MCF2L: variants seen among roughly 807,000 people sequenced by gnomAD.
MCF2L encodes the protein guanine nucleotide exchange factor DBS.
Under a neutral mutation model 153.4 loss-of-function variants are expected in MCF2L, and 97 were observed. The ratio of observed to expected loss-of-function variants is 0.63; its 90% confidence interval spans 0.54 to 0.75. The LOEUF is 0.75. Ranked by LOEUF, MCF2L falls within the 30% of genes least tolerant of loss-of-function variation. The pLI is 0.00. For synonymous variants in MCF2L, 659 were observed against 632.2 expected, an observed-to-expected ratio of 1.04 and a Z score of -0.64; for missense variants, 1,347 against 1,495.2, an observed-to-expected ratio of 0.90 and a Z score of 1.64.
intron 1 of MCF2L, among the ~76,000 whole-genome samples, chr13:112,896,987 C>T (rs984264779): frequency 6.6e-6 from 1 of 152,212 alleles, no homozygotes; most frequent in African/African-American, 2.4e-5. Flanking sequence ...AGGGGCCATG[C>T]AGGCTGAGAG....
chr13:113,008,197 C>T (rs527524068), intron 1 of MCF2L, among the ~76,000 whole-genome samples: 3 of 152,274 alleles, frequency 2.0e-5, no homozygotes, highest in South Asian at 2.1e-4. Flanking sequence ...CATTTATAGG[C>T]GTGAGCCACT....
chr13:112,974,464 G>A (rs975461852), intron 1 of MCF2L, among the ~76,000 whole-genome samples: 11 of 152,212 alleles, frequency 7.2e-5, no homozygotes, highest in African/African-American at 2.7e-4. Flanking sequence ...CTGTTCTGCT[G>A]CTTTTCATAA....
At chr13:113,026,444 T>C (rs1172965259) in intron 3 of MCF2L, among the ~76,000 whole-genome samples, 3 of 152,226 alleles carry the variant, frequency 2.0e-5, no homozygotes, top group Admixed American at 6.5e-5. Context: ...GCTTTTTCGC[T>C]CCTGAGCTGC....
At chr13:113,069,995 C>A in intron 8 of MCF2L, 64 bp from the exon 9 acceptor site, 1 of 1,174,064 alleles carries the variant, frequency 8.5e-7, no homozygotes, top group African/African-American at 1.6e-5. Context: ...TGAACACCCA[C>A]CGCGCTCCAC....
At chr13:113,082,284 G>T in intron 16 of MCF2L, 143 bp from the exon 17 acceptor site, 1 of 619,734 alleles carries the variant, frequency 1.6e-6, no homozygotes, top group Non-Finnish European at 3.0e-6. Flanking sequence ...TTTGATGGAT[G>T]CCTGTCCCGG....
chr13:113,029,908 C>T (rs1456955674), intron 3 of MCF2L, among the ~76,000 whole-genome samples: 2 of 152,236 alleles, frequency 1.3e-5, no homozygotes, highest in Non-Finnish European at 2.9e-5. Context: ...ACAAATCTCT[C>T]GTGAAGGCTG....
At chr13:113,057,667 T>G (rs2030381149) in intron 4 of MCF2L, among the ~76,000 whole-genome samples, 1 of 139,808 alleles carries the variant, frequency 7.2e-6, no homozygotes, top group Non-Finnish European at 1.5e-5. Context: ...TGCTGTGTGT[T>G]TGGGTGCTGA....
At chr13:112,968,512 T>G, upstream of MCF2L, 1 of 1,577,794 alleles carries the variant, frequency 6.3e-7, no homozygotes, top group Non-Finnish European at 8.6e-7. Context: ...CTTCCCTCAC[T>G]GGGTCCTGCG....
At chr13:113,013,901 C>T (rs1298794083) in intron 1 of MCF2L, among the ~76,000 whole-genome samples, 1 of 152,160 alleles carries the variant, frequency 6.6e-6, no homozygotes, top group Non-Finnish European at 1.5e-5. Flanking sequence ...GTCTTGCTGG[C>T]CCCATGCTCC....
In MCF2L at chr13:112,962,170, C is replaced by T. The variant is rs529308538; in HGVS notation, c.170-52593C>T. ...AGACATGCTCACACCTGTGCATGCA[C>T]AGATGCACACACACGCATGCACAAA... On this transcript the variant is annotated intron_variant, in intron 2 of 29. Coordinates refer to the MCF2L transcript ENST00000375608. 1.3e-4 allele frequency among the ~76,000 whole-genome samples: 20 copies of T among 151,386 alleles called. No homozygotes were observed. In the East Asian group the frequency reaches 3.5e-3, roughly 26 times the overall value.
chr13:113,013,593 A>G (rs1413112319), intron 1 of MCF2L, among the ~76,000 whole-genome samples: 1 of 152,138 alleles, frequency 6.6e-6, no homozygotes, highest in Admixed American at 6.5e-5. Context: ...CTCCGCTGGG[A>G]ATTTCCAGGT....
intron 5 of MCF2L, among the ~76,000 whole-genome samples, chr13:113,061,690 TC>T (rs1594888206): frequency 6.3e-5 from 1 of 15,804 alleles, no homozygotes; most frequent in African/African-American, 2.9e-4. Context: ...CCCCTTCCCC[TC>T]CCCTCCCCTC....
chr13:112,919,572 G>T (rs968037259), intron 2 of MCF2L, among the ~76,000 whole-genome samples: 1 of 150,414 alleles, frequency 6.6e-6, no homozygotes, highest in Admixed American at 6.6e-5. Flanking sequence ...TCACTGTTTT[G>T]TTTTAAAAAA....
At chr13:113,007,521 G>A (rs1219571746) in intron 1 of MCF2L, among the ~76,000 whole-genome samples, 2 of 152,212 alleles carry the variant, frequency 1.3e-5, no homozygotes, top group African/African-American at 2.4e-5. Context: ...ATTGCAATCC[G>A]TGTAATTTAA....
At chr13:113,067,420 C>T (rs368248823) in intron 8 of MCF2L, among the ~76,000 whole-genome samples, 2 of 53,330 alleles carry the variant, frequency 3.8e-5, no homozygotes, top group East Asian at 2.1e-3. Flanking sequence ...AGGCAGAGGT[C>T]GCAGTGAGCC....
intron 3 of MCF2L, chr13:113,026,838 A>C: frequency 1.5e-6 from 1 of 673,098 alleles, no homozygotes; most frequent in South Asian, 1.7e-5. Context: ...TCCTCTGAAA[A>C]GGTAGGGAGC....
intron 11 of MCF2L, among the ~76,000 whole-genome samples, chr13:113,075,678 G>GATCCTA (rs968350834): frequency 7.9e-5 from 12 of 152,222 alleles, no homozygotes; most frequent in African/African-American, 2.7e-4. Flanking sequence ...AGGCCTGGTT[G>GATCCTA]ATCCTACTGC....
In MCF2L at chr13:113,076,108, T is replaced by C. The variant is rs1408030241; in HGVS notation, c.1451T>C (p.Leu484Pro). The C allele has an allele frequency of 6.2e-7, 1 of 1,613,894 alleles. No homozygotes were observed. The highest frequency in any genetic ancestry group is 8.5e-7 in the Non-Finnish European group (1 of 1,180,006). Residue 484 changes from leucine to proline, a missense_variant, in exon 12 of 30, where the codon CTC becomes CCC. Around this residue, in one of 3 missense-constraint regions of MCF2L, gnomAD observed 820 missense variants for 921.2 expected, o/e 0.89. Transcript: ENST00000535094. ...ETGAENKIQELNAIYKEYESI... is the reference protein window; with the variant it reads ...ETGAENKIQEPNAIYKEYESI... ...GGTGCGGAAAATAAGATCCAGGAGC[T>C]CAACGCGATTTACAAGGAATACGAA...
At chr13:112,933,169 C>T (rs1214026912) in intron 2 of MCF2L, among the ~76,000 whole-genome samples, 5 of 152,232 alleles carry the variant, frequency 3.3e-5, no homozygotes, top group Non-Finnish European at 7.3e-5. Flanking sequence ...GAGGTCCGGG[C>T]GCTGGCCCCG....
Sources: gnomAD v4.1 joint callset for allele counts (sites outside exome capture counted in the v4.1 genomes callset) on GRCh38, gnomAD v4.1.1 for gene constraint, gnomAD v4.1.1 regional missense constraint, MANE v1.5 for transcripts, NCBI Gene and HGNC (gene_info 2026-07-23, HGNC 2026-07-21) for gene names.